The following TMC4 variants were observed in gnomAD, a reference collection of about 807,000 sequenced individuals.
TMC4 encodes the protein voltage-gated chloride channel TMC4.
TMC4 carries 70 observed loss-of-function variants against 82.0 expected under a neutral mutation model. The ratio of observed to expected loss-of-function variants is 0.85; its 90% CI spans 0.70 to 1.04. The LOEUF (loss-of-function observed/expected upper bound fraction) is 1.04, where lower values mean the gene tolerates loss of function less well. Among genes scored for constraint, TMC4 ranks in the 50% least tolerant of loss-of-function variants. The pLI is 0.00. For missense variants in TMC4, 879 were observed against 899.0 expected (o/e 0.98, Z 0.28); for synonymous variants, 446 against 406.0 (o/e 1.10, Z -1.18).
At chr19:54,160,690 C>A in intron 13 of TMC4, 145 bp from the exon 14 acceptor site, 1 of 1,466,308 alleles carries the variant, frequency 6.8e-7, no homozygotes, top group Non-Finnish European at 9.2e-7. Flanking sequence ...CCTCCGCCTT[C>A]AGATCCAGGA....
chr19:54,168,072 A>T lies in TMC4; in HGVS notation c.797+99T>A, dbSNP rs117009908. 4.3e-4 allele frequency: 608 copies of T among 1,398,808 alleles called. 7 individuals are homozygous for T. The East Asian group carries it at 0.014, about 33-fold the overall frequency. The allele number at this position is 1,398,808 out of a possible 1,614,324, so 86.6% of individuals were successfully genotyped here. The stretch of plus-strand genomic sequence containing the variant: ...GAGCAAAACTCCGTCTCAAAAAAAA[A>T]AAGACTGAGGATTCTTGGGGAGGGG... On this transcript the variant is annotated intron_variant, in intron 5 of 14. Coordinates refer to ENST00000619895, the MANE Select transcript of TMC4 (RefSeq NM_144686.4).
intron 14 of TMC4, 29 bp from the exon 15 acceptor site, chr19:54,160,403 A>T: frequency 1.3e-6 from 2 of 1,580,826 alleles, no homozygotes; most frequent in Non-Finnish European, 1.7e-6. Context: ...GAGGTGAGAC[A>T]ATCCTCTTCC....
At chr19:54,170,319 G>A (rs1286328706) in intron 2 of TMC4, among the ~76,000 whole-genome samples, 1 of 139,334 alleles carries the variant, frequency 7.2e-6, no homozygotes, top group Admixed American at 7.3e-5. Flanking sequence ...CTGGGCATCA[G>A]AGCAAGACTC....
intron 5 of TMC4, among the ~76,000 whole-genome samples, chr19:54,166,911 CT>C (rs2075719598): frequency 1.3e-5 from 2 of 151,722 alleles, no homozygotes. Flanking sequence ...TGAGATCGCA[CT>C]ACTGCACTCT....
intron 10 of TMC4, 77 bp from the exon 11 acceptor site, chr19:54,162,362 G>A (rs1486528103): frequency 3.8e-6 from 3 of 788,990 alleles, no homozygotes; most frequent in Non-Finnish European, 5.4e-6. Flanking sequence ...CGCCCCGCCC[G>A]CCAATAGGAA....
chr19:54,170,512 C>A (rs1275185717), intron 2 of TMC4, among the ~76,000 whole-genome samples: 1 of 152,110 alleles, frequency 6.6e-6, no homozygotes, highest in African/African-American at 2.4e-5. Context: ...GGGGTTGGTT[C>A]AAGGACTCCC....
At chr19:54,171,762 C>A (rs1377436862) in intron 2 of TMC4, 108 bp downstream of exon 2, 1 of 1,012,418 alleles carries the variant, frequency 9.9e-7, no homozygotes, top group Non-Finnish European at 1.4e-6. Flanking sequence ...CAGAGAGAGG[C>A]CCCAGAAGCC....
At chr19:54,170,263 G>T (rs1385531605) in intron 2 of TMC4, among the ~76,000 whole-genome samples, 1 of 151,724 alleles carries the variant, frequency 6.6e-6, no homozygotes. Context: ...TTGAGCCCAG[G>T]TGTCGGAGGC....
intron 5 of TMC4, among the ~76,000 whole-genome samples, chr19:54,166,385 G>T (rs530012185): frequency 2.0e-5 from 3 of 151,334 alleles, no homozygotes; most frequent in Non-Finnish European, 2.9e-5. Context: ...ACTCAAGAGA[G>T]GGGGGCAAAG....
At position 54,171,870 on chromosome 19, in the gene TMC4, C is replaced by CT. The variant is rs1372106099; in HGVS notation, c.292dup (p.Arg98LysfsTer17). The stretch of plus-strand genomic sequence containing the variant: ...GTCCCAGCTGGAGGTGGGGCCTCAC[C>CT]TGTGTGCCCGTCTGGCCTGCATGGG... On this transcript the variant is annotated frameshift_variant and splice_region_variant, in exon 2 of 15. Coordinates refer to ENST00000619895, the MANE Select transcript of TMC4 (RefSeq NM_144686.4). LOFTEE classifies it high-confidence loss of function. The CT allele has an allele frequency of 6.3e-7, 1 of 1,597,604 alleles. No individual in the cohort carries two copies. Among genetic ancestry groups the CT allele is most frequent in the South Asian group, 1.1e-5 (1 of 88,482 alleles).
intron 5 of TMC4, among the ~76,000 whole-genome samples, chr19:54,167,230 C>T (rs188410332): frequency 2.6e-5 from 4 of 152,126 alleles, no homozygotes; most frequent in East Asian, 3.9e-4. Flanking sequence ...CACCACTGCA[C>T]GCTAGCCGGG....
chr19:54,171,994 CCAGCGCCCCCCAAGG>C lies in TMC4; in HGVS notation c.154_168del (p.Pro52_Leu56del). ...CTTCCTCCATCCTCCTCCTCCTCCT[CCAGCGCCCCCCAAGG>C]CAGCACCCCAGGGTCTCGGTACCGA... On this transcript the variant is annotated inframe_deletion, in exon 2 of 15. Coordinates refer to ENST00000619895, the MANE Select transcript of TMC4 (RefSeq NM_144686.4). The C allele has an allele frequency of 6.2e-7, 1 of 1,613,102 alleles. No individual in the cohort carries two copies. Among genetic ancestry groups the C allele is most frequent in the Non-Finnish European group, 8.5e-7 (1 of 1,179,588 alleles).
chr19:54,164,656 C>G (rs761222300), intron 6 of TMC4, 55 bp from the exon 7 acceptor site: 9 of 1,601,878 alleles, frequency 5.6e-6, no homozygotes, highest in Non-Finnish European at 7.6e-6. Context: ...GCGGGCCTCC[C>G]GGTTCCCCAG....
intron 3 of TMC4, among the ~76,000 whole-genome samples, chr19:54,169,306 A>AT (rs1308401570): frequency 2.0e-5 from 3 of 151,680 alleles, no homozygotes. Flanking sequence ...AACTGTTGGG[A>AT]TTACAGGCGT....
intron 7 of TMC4, among the ~76,000 whole-genome samples, chr19:54,164,206 A>C (rs1230413492): frequency 2.0e-5 from 3 of 151,534 alleles, no homozygotes; most frequent in Non-Finnish European, 4.4e-5. Flanking sequence ...AACTCCTGAC[A>C]TCGTGATCCG....
chr19:54,164,425 C>A lies in TMC4; in HGVS notation c.1113+9G>T. The A allele has an allele frequency of 6.2e-7, 1 of 1,606,078 alleles. No individual in the cohort carries two copies. Among genetic ancestry groups the A allele is most frequent in the Non-Finnish European group, 8.5e-7 (1 of 1,174,618 alleles). On this transcript the variant is annotated intron_variant, in intron 7 of 14. Coordinates refer to ENST00000619895, the MANE Select transcript of TMC4 (RefSeq NM_144686.4). ...ACCCCCTGGCTTCCTCTTCCAAGAC[C>A]GTCCGCACCTGCAGCTCCACGGTGC...
Position 54,172,022 on chromosome 19 carries a change from G to A in TMC4, c.141C>T (p.Asp47=). ...LPSAATLRYR[D]PGVLPWGALE... ...GCGCCCCCCAAGGCAGCACCCCAGGGTCTCGGTACCGAAGGGTGGCAGCAC... is the reference window on the plus strand; with the variant it reads ...GCGCCCCCCAAGGCAGCACCCCAGGATCTCGGTACCGAAGGGTGGCAGCAC... The change falls in exon 2 of 15, where the codon GAC becomes GAT. Residue 47 remains aspartate, a synonymous_variant. Transcript: ENST00000619895. 1 of 1,613,294 alleles carries A rather than the reference G, an allele frequency of 6.2e-7. No individual in the cohort carries two copies. The highest frequency in any genetic ancestry group is 8.5e-7 in the Non-Finnish European group (1 of 1,179,620).
chr19:54,165,714 A>T (rs1202689922), intron 5 of TMC4, 148 bp from the exon 6 acceptor site: 2 of 928,894 alleles, frequency 2.2e-6, no homozygotes, highest in Non-Finnish European at 3.1e-6. Context: ...ATGGGGAAAG[A>T]GTCAAAGAGG....
chr19:54,168,188 G>A lies in TMC4; in HGVS notation c.780C>T (p.Leu260=). ...CWAFAVGLIC[L]LLILHRSVSG... is the part of the protein sequence containing the mutation. ...CCACTGACCGATGCAGGATGAGCAG[G>A]AGGCAGATGAGGCCAACGGCAAAGG... is the stretch of plus-strand genomic sequence containing the variant. Residue 260 remains leucine (L), a synonymous_variant, in exon 5 of 15, where the codon CTC becomes CTT. Transcript: ENST00000619895. 6.2e-7 allele frequency: 1 copy of A among 1,603,842 alleles called. No homozygotes were observed. Among genetic ancestry groups the A allele is most frequent in the East Asian group, 2.2e-5 (1 of 44,488 alleles).
Sources: gnomAD v4.1 joint callset for allele counts (sites outside exome capture counted in the v4.1 genomes callset) on GRCh38, gnomAD v4.1.1 for gene constraint, MANE v1.5 for transcripts, NCBI Gene and HGNC (gene_info 2026-07-23, HGNC 2026-07-21) for gene names.